Variants in CGRRF1 observed in about 807,000 individuals in gnomAD.
CGRRF1 encodes cell growth regulator with ring finger domain 1, also known as cell growth regulator with RING finger domain protein 1.
A neutral mutation model predicts 37.2 loss-of-function variants in CGRRF1; 32 were observed. That is an observed-to-expected ratio of 0.86 (90% CI 0.65 to 1.16). The LOEUF (loss-of-function observed/expected upper bound fraction) is 1.16. CGRRF1 is among the 50% of genes most tolerant of loss of function. The pLI is 0.00. For synonymous variants in CGRRF1, 141 were observed against 140.3 expected (o/e 1.00, Z -0.04); for missense variants, 391 against 382.6 (o/e 1.02, Z -0.18).
At chr14:54,528,200 T>C (rs1229344207) in intron 2 of CGRRF1, among the ~76,000 whole-genome samples, 5 of 150,120 alleles carry the variant, frequency 3.3e-5, no homozygotes, top group Non-Finnish European at 7.4e-5. Flanking sequence ...CTGATATACC[T>C]CAATTCTTTT....
In CGRRF1 at chr14:54,509,943, C is replaced by T. The variant is rs1169000820; in HGVS notation, c.-17C>T. On this transcript the variant is annotated 5_prime_UTR_variant, in exon 1 of 6. Coordinates refer to ENST00000216420, the MANE Select transcript of CGRRF1 (RefSeq NM_006568.3). ...GCTCCGCGGCTGGAGCCGGGCTCTA[C>T]CCAGAGCAAGACCCTGATGGCTGCG... 1 of 1,588,468 alleles carries T rather than the reference C, an allele frequency of 6.3e-7. No homozygotes were observed. The highest frequency in any genetic ancestry group is 8.6e-7 in the Non-Finnish European group (1 of 1,156,768).
chr14:54,529,952 G>C, intron 2 of CGRRF1, 97 bp from the exon 3 acceptor site: 2 of 950,720 alleles, frequency 2.1e-6, no homozygotes, highest in Non-Finnish European at 3.2e-6. Flanking sequence ...CATCATCCTG[G>C]CCAGCATCCA....
intron 4 of CGRRF1, among the ~76,000 whole-genome samples, chr14:54,534,558 A>T (rs2032570726): frequency 6.6e-6 from 1 of 152,208 alleles, no homozygotes; most frequent in South Asian, 2.1e-4. Context: ...GTGTTTTTGC[A>T]ACTAATGTAG....
intron 4 of CGRRF1, chr14:54,536,639 C>T (rs552998850): frequency 3.3e-5 from 5 of 152,184 alleles, no homozygotes; most frequent in Non-Finnish European, 5.9e-5. Context: ...GGTCAAGGCT[C>T]ATGTTTATAT....
At chr14:54,522,386 A>G (rs919861532) in intron 1 of CGRRF1, 68 bp from the exon 2 acceptor site, 21 of 1,147,522 alleles carry the variant, frequency 1.8e-5, no homozygotes, top group Middle Eastern at 2.9e-4. Flanking sequence ...GAAGCACAAC[A>G]GATTTTACAC....
Position 54,538,227 on chromosome 14 carries a change from T to C in CGRRF1, c.843T>C (p.Thr281=), listed in dbSNP as rs2032632010. 1.9e-6 allele frequency: 3 copies of C among 1,614,104 alleles called. No individual in the cohort carries two copies. In the African/African-American group the frequency reaches 4.0e-5, roughly 22 times the overall value. The change falls in exon 6 of 6, where the codon ACT becomes ACC. Residue 281 remains threonine (T), a synonymous_variant. Coordinates refer to ENST00000216420, the MANE Select transcript of CGRRF1 (RefSeq NM_006568.3). ...SKDCVVCQNG[T]VNWVLLPCRH... is the part of the protein sequence containing the mutation. The stretch of plus-strand genomic sequence containing the variant: ...ACTGTGTTGTTTGCCAGAATGGGAC[T>C]GTGAACTGGGTACTCTTACCATGCA...
chr14:54,514,713 A>G (rs980810442), intron 1 of CGRRF1, among the ~76,000 whole-genome samples: 1 of 152,220 alleles, frequency 6.6e-6, no homozygotes, highest in African/African-American at 2.4e-5. Flanking sequence ...CTTCTCTTCC[A>G]GGAGATGGAA....
chr14:54,515,697 C>G (rs2032204160), intron 1 of CGRRF1, among the ~76,000 whole-genome samples: 1 of 152,174 alleles, frequency 6.6e-6, no homozygotes, highest in Non-Finnish European at 1.5e-5. Flanking sequence ...AGTCTTTGCT[C>G]TGAGATCTAC....
intron 1 of CGRRF1, among the ~76,000 whole-genome samples, chr14:54,515,362 G>A (rs1471826687): frequency 6.6e-6 from 1 of 152,076 alleles, no homozygotes; most frequent in Middle Eastern, 3.4e-3. Flanking sequence ...GAAGTGCTGG[G>A]ATTACAGGTG....
At position 54,535,676 on chromosome 14, in the gene CGRRF1, T is replaced by A. The variant is rs72711674; in HGVS notation, c.571-2046T>A. Reference sequence around the variant, plus strand: ...TATCCTGCTTTTTATTAAAAAAAATTTTTTTGTCCTAGATTTAACATCCAT... The same window carrying A: ...TATCCTGCTTTTTATTAAAAAAAATATTTTTGTCCTAGATTTAACATCCAT... On this transcript the variant is annotated intron_variant, in intron 4 of 5. Coordinates refer to ENST00000216420, the MANE Select transcript of CGRRF1 (RefSeq NM_006568.3). Among the ~76,000 whole-genome samples, 429 of 152,268 alleles carry A rather than the reference T, an allele frequency of 2.8e-3. 1 individual carries two copies. Among genetic ancestry groups the A allele is most frequent in the Non-Finnish European group, 3.6e-3 (247 of 68,018 alleles).
At chr14:54,524,254 A>G (rs1425751656) in intron 2 of CGRRF1, among the ~76,000 whole-genome samples, 20 of 152,148 alleles carry the variant, frequency 1.3e-4, no homozygotes, top group Admixed American at 1.3e-3. Context: ...CCTTGCGTCT[A>G]TGGACCATTC....
At chr14:54,534,705 G>A (rs930318737) in intron 4 of CGRRF1, among the ~76,000 whole-genome samples, 2 of 152,076 alleles carry the variant, frequency 1.3e-5, no homozygotes, top group African/African-American at 4.8e-5. Context: ...TCCCATTTAT[G>A]TATGTATGTG....
Position 54,537,370 on chromosome 14 carries a change from A to G in CGRRF1, c.571-352A>G, listed in dbSNP as rs146798591. ...CAAAAGTGTTTTCTCTGGTCCCTTT[A>G]CATCCAAGTTTCTTAAAAGACTGTT... On this transcript the variant is annotated intron_variant, in intron 4 of 5. Transcript: ENST00000216420. The G allele has an allele frequency of 6.3e-4, 97 of 154,974 alleles. 1 individual carries two copies. The highest frequency in any genetic ancestry group is 1.3e-3 in the Non-Finnish European group (89 of 69,884). The allele number at this position is 154,974 out of a possible 1,614,324, so 9.6% of individuals were successfully genotyped here. A position where few individuals can be genotyped will look rare whatever the true frequency, so the allele number is the denominator to read the frequency against.
At chr14:54,520,776 A>G (rs2032303935) in intron 1 of CGRRF1, among the ~76,000 whole-genome samples, 1 of 152,166 alleles carries the variant, frequency 6.6e-6, no homozygotes, top group Admixed American at 6.5e-5. Flanking sequence ...TTTTCTTTAA[A>G]TATACCACAG....
At chr14:54,524,920 C>T (rs1156914243) in intron 2 of CGRRF1, among the ~76,000 whole-genome samples, 1 of 152,042 alleles carries the variant, frequency 6.6e-6, no homozygotes, top group Non-Finnish European at 1.5e-5. Flanking sequence ...TTAAAGTGTA[C>T]ACCCAGCTAC....
At chr14:54,524,585 G>A (rs1463530562) in intron 2 of CGRRF1, among the ~76,000 whole-genome samples, 1 of 151,838 alleles carries the variant, frequency 6.6e-6, no homozygotes, top group Admixed American at 6.6e-5. Flanking sequence ...TGGAGATGGG[G>A]TCTTGCTGTG....
At position 54,522,916 on chromosome 14, in the gene CGRRF1, T is replaced by C. The variant is rs556827626; in HGVS notation, c.244+323T>C. On this transcript the variant is annotated intron_variant, in intron 2 of 5. Coordinates refer to ENST00000216420, the MANE Select transcript of CGRRF1 (RefSeq NM_006568.3). ...GTCTGTAGTAAAGTGAGAAATGATG[T>C]GTTATGTCTAAATACAGTTAACGTA... Among the ~76,000 whole-genome samples, 189 of 152,366 alleles carry C rather than the reference T, an allele frequency of 1.2e-3. 1 individual carries two copies. The highest frequency in any genetic ancestry group is 4.5e-3 in the African/African-American group (187 of 41,588).
rs111776423 is a variant in CGRRF1 at position 54,524,481 on chromosome 14, G to T, written c.244+1888G>T. Among the ~76,000 whole-genome samples, 622 of 151,520 alleles carry T rather than the reference G, an allele frequency of 4.1e-3. 2 individuals are homozygous for T. The highest frequency in any genetic ancestry group is 6.8e-3 in the Middle Eastern group (2 of 294). On this transcript the variant is annotated intron_variant, in intron 2 of 5. Transcript: ENST00000216420. The stretch of plus-strand genomic sequence containing the variant: ...CCTCACTGCAGCCCCAATACCCTGG[G>T]CTCAAGTGGTCCTCCTGCCTCAGCC...
Position 54,509,906 on chromosome 14 carries a change from G to T in CGRRF1, c.-54G>T. 7.3e-7 allele frequency: 1 copy of T among 1,375,408 alleles called. No homozygotes were observed. Among genetic ancestry groups the T allele is most frequent in the Non-Finnish European group, 1.0e-6 (1 of 964,576 alleles). The allele number at this position is 1,375,408 out of a possible 1,614,324, so 85.2% of individuals were successfully genotyped here. Reference sequence around the variant, plus strand: ...CTGGCCGGGCGGGCGGGGCTCAGCCGGGCTGGGCTGGGCTCCGCGGCTGGA... The same window carrying T: ...CTGGCCGGGCGGGCGGGGCTCAGCCTGGCTGGGCTGGGCTCCGCGGCTGGA... On this transcript the variant is annotated 5_prime_UTR_variant, in exon 1 of 6. Transcript: ENST00000216420.
Sources: allele counts gnomAD v4.1 joint callset (sites outside exome capture counted in the v4.1 genomes callset), GRCh38; gene constraint gnomAD v4.1.1; transcripts MANE v1.5; gene names NCBI Gene and HGNC (gene_info 2026-07-23, HGNC 2026-07-21).